XKR4: variants seen among roughly 807,000 people sequenced by gnomAD.
The protein encoded by XKR4 is XK-related protein 4.
XKR4 carries 12 observed loss-of-function variants against 53.9 expected under a neutral mutation model. The observed-to-expected ratio is 0.22, with a 90% CI of 0.14 to 0.36. XKR4 has a LOEUF of 0.36. Among genes scored for constraint, XKR4 ranks in the 10% least tolerant of loss-of-function variants. The pLI is 1.00. For missense variants in XKR4, 799 were observed against 859.5 expected (o/e 0.93, Z 0.88); for synonymous variants, 354 against 362.4 (o/e 0.98, Z 0.26).
chr8:55,396,709 T>C (rs1357171638), intron 2 of XKR4, among the ~76,000 whole-genome samples: 1 of 152,210 alleles, frequency 6.6e-6, no homozygotes, highest in Non-Finnish European at 1.5e-5. Flanking sequence ...CAAAGGAGAA[T>C]GGATTCTGAA....
At chr8:55,384,055 T>C (rs1347769149) in intron 2 of XKR4, among the ~76,000 whole-genome samples, 2 of 152,224 alleles carry the variant, frequency 1.3e-5, no homozygotes, top group Non-Finnish European at 2.9e-5. Context: ...CGTCGCATCA[T>C]TTTTGGACAC....
chr8:55,381,446 A>G lies in XKR4; in HGVS notation c.1006+23569A>G, dbSNP rs7827131. ...AAGCTGAAGAACCAGGAAAGTGGAC[A>G]GTGTAGCTCAGCCAGGGCCAAAGGC... On this transcript the variant is annotated intron_variant, in intron 2 of 2. Transcript: ENST00000327381. Among the ~76,000 whole-genome samples, 1,157 of 152,300 alleles carry G rather than the reference A, an allele frequency of 7.6e-3. 15 individuals are homozygous for G. Among genetic ancestry groups the G allele is most frequent in the African/African-American group, 0.026 (1,079 of 41,560 alleles).
chr8:55,389,306 A>G (rs1158130206), intron 2 of XKR4, among the ~76,000 whole-genome samples: 2 of 152,208 alleles, frequency 1.3e-5, no homozygotes, highest in Non-Finnish European at 2.9e-5. Flanking sequence ...GTAGCCCCAG[A>G]AAACTAATAT....
At chr8:55,435,350 G>T (rs2129394077) in intron 2 of XKR4, among the ~76,000 whole-genome samples, 1 of 152,052 alleles carries the variant, frequency 6.6e-6, no homozygotes, top group South Asian at 2.1e-4. Context: ...ATCCATGAGG[G>T]GCAGAAAGGA....
rs182985206 is a variant in XKR4 at position 55,126,520 on chromosome 8, G to A, written c.806+23226G>A. 1.1e-4 allele frequency among the ~76,000 whole-genome samples: 16 copies of A among 152,310 alleles called. No individual in the cohort carries two copies. The East Asian group carries it at 2.9e-3, about 28-fold the overall frequency. On this transcript the variant is annotated intron_variant, in intron 1 of 2. Coordinates refer to ENST00000327381, the MANE Select transcript of XKR4 (RefSeq NM_052898.2). ...TTTCTCTACTTAAACCAGCTGGAGT[G>A]GATGCAAAAAATACAATTTAGAAGG...
intron 2 of XKR4, among the ~76,000 whole-genome samples, chr8:55,516,251 A>G (rs1023038485): frequency 6.6e-6 from 1 of 152,220 alleles, no homozygotes; most frequent in Admixed American, 6.5e-5. Context: ...ACTGCAAGAA[A>G]TCAATATTAT....
At chr8:55,125,131 T>A (rs1165884541) in intron 1 of XKR4, among the ~76,000 whole-genome samples, 2 of 152,240 alleles carry the variant, frequency 1.3e-5, no homozygotes, top group East Asian at 3.8e-4. Context: ...ATCTTACCTA[T>A]TTTTAAAAAA....
chr8:55,243,863 C>T lies in XKR4; in HGVS notation c.807-113815C>T, dbSNP rs201325812. Among the ~76,000 whole-genome samples the T allele has an allele frequency of 4.6e-5, 7 of 152,160 alleles. No homozygotes were observed. In the East Asian group the frequency reaches 1.2e-3, roughly 25 times the overall value. On this transcript the variant is annotated intron_variant, in intron 1 of 2. Transcript: ENST00000327381. Reference sequence around the variant, plus strand: ...ACGGTCGGATCTCCCTGCATGGTAGCGATGAAGGATAACCTAGACAGTGCG... The same window carrying T: ...ACGGTCGGATCTCCCTGCATGGTAGTGATGAAGGATAACCTAGACAGTGCG...
chr8:55,417,136 G>A (rs887845130), intron 2 of XKR4, among the ~76,000 whole-genome samples: 6 of 152,242 alleles, frequency 3.9e-5, no homozygotes, highest in African/African-American at 7.2e-5. Flanking sequence ...CATTGTCGTC[G>A]TGGGTACTAG....
intron 1 of XKR4, among the ~76,000 whole-genome samples, chr8:55,127,393 C>T (rs1585892640): frequency 6.6e-6 from 1 of 151,916 alleles, no homozygotes; most frequent in African/African-American, 2.4e-5. Flanking sequence ...GCTGAGATTA[C>T]AGGCATGCAC....
rs1218039603 is a variant in XKR4, at chr8:55,541,256, G to A, written c.*17029G>A. 1 of 152,154 alleles carries A rather than the reference G, an allele frequency of 6.6e-6. No individual in the cohort carries two copies. Among genetic ancestry groups the A allele is most frequent in the African/African-American group, 2.4e-5 (1 of 41,450 alleles). The allele number at this position is 152,154 out of a possible 1,614,324, so 9.4% of individuals were successfully genotyped here. ...TGATATACACCACCCAACCTCAGGA[G>A]GTTGTACTTAATTTTGTTTGTTTGT... is the stretch of plus-strand genomic sequence containing the variant. On this transcript the variant is annotated 3_prime_UTR_variant, in exon 3 of 3. Transcript: ENST00000327381.
In XKR4 at chr8:55,532,010, T is replaced by A. The variant is rs1472460594; in HGVS notation, c.*7783T>A. 1 of 152,240 alleles carries A rather than the reference T, an allele frequency of 6.6e-6. No homozygotes were observed. The highest frequency in any genetic ancestry group is 1.9e-4 in the East Asian group (1 of 5,200). 9.4% of individuals were successfully genotyped at this position (152,240 alleles called of 1,614,324 possible). ...CCGATTGCATTCTCTCCTGAGTGAT[T>A]GGCTTCCCACATATATAAGCAGCAG... is the stretch of plus-strand genomic sequence containing the variant. On this transcript the variant is annotated 3_prime_UTR_variant, in exon 3 of 3. Coordinates refer to ENST00000327381, the MANE Select transcript of XKR4 (RefSeq NM_052898.2).
chr8:55,236,690 G>A (rs1013485592), intron 1 of XKR4, among the ~76,000 whole-genome samples: 1 of 152,076 alleles, frequency 6.6e-6, no homozygotes, highest in Non-Finnish European at 1.5e-5. Flanking sequence ...TCTCGCCCCA[G>A]CTCCTCCCCA....
chr8:55,109,002 G>A (rs1030710266), intron 1 of XKR4, among the ~76,000 whole-genome samples: 1 of 152,134 alleles, frequency 6.6e-6, no homozygotes, highest in Non-Finnish European at 1.5e-5. Context: ...AAACTTGAGA[G>A]CTCCATAGTA....
intron 1 of XKR4, among the ~76,000 whole-genome samples, chr8:55,134,739 C>A (rs1239268052): frequency 6.6e-6 from 1 of 152,232 alleles, no homozygotes; most frequent in Non-Finnish European, 1.5e-5. Flanking sequence ...TTGGTGGGCT[C>A]TTGCACCAAA....
At position 55,476,734 on chromosome 8, in the gene XKR4, A is replaced by G. The variant is rs543656873; in HGVS notation, c.1007-46547A>G. Among the ~76,000 whole-genome samples, 110 of 152,192 alleles carry G rather than the reference A, an allele frequency of 7.2e-4. 1 individual carries two copies. The highest frequency in any genetic ancestry group is 1.4e-3 in the Non-Finnish European group (96 of 68,024). On this transcript the variant is annotated intron_variant, in intron 2 of 2. Transcript: ENST00000327381. ...CAACAGGCTTAAAAAATGACACACCAGGAGATTATATCCCGCACCTGGCTC... is the reference window on the plus strand; with the variant it reads ...CAACAGGCTTAAAAAATGACACACCGGGAGATTATATCCCGCACCTGGCTC...
intron 2 of XKR4, among the ~76,000 whole-genome samples, chr8:55,418,553 G>A (rs1433545799): frequency 6.6e-6 from 1 of 152,170 alleles, no homozygotes; most frequent in Non-Finnish European, 1.5e-5. Context: ...GGTAGCCTGA[G>A]GTACTGGTCT....
chr8:55,108,866 T>C (rs1430868457), intron 1 of XKR4, among the ~76,000 whole-genome samples: 2 of 152,164 alleles, frequency 1.3e-5, no homozygotes, highest in African/African-American at 4.8e-5. Flanking sequence ...TTAATTGTTT[T>C]CCTCCTTGGG....
chr8:55,283,044 A>G (rs757087911), intron 1 of XKR4, among the ~76,000 whole-genome samples: 1 of 152,218 alleles, frequency 6.6e-6, no homozygotes, highest in Non-Finnish European at 1.5e-5. Flanking sequence ...GTTCAGTCAC[A>G]TGCTGTACAG....
Sources: gnomAD v4.1 joint callset for allele counts (sites outside exome capture counted in the v4.1 genomes callset) on GRCh38, gnomAD v4.1.1 for gene constraint, MANE v1.5 for transcripts, NCBI Gene and HGNC (gene_info 2026-07-23, HGNC 2026-07-21) for gene names.